FRMPD1: variants seen among roughly 807,000 people sequenced by gnomAD.
The protein encoded by FRMPD1 is FERM and PDZ domain containing 1.
FRMPD1 carries 76 observed loss-of-function variants against 117.8 expected under a neutral mutation model. The ratio of observed to expected loss-of-function variants is 0.65; its 90% CI spans 0.54 to 0.78. The LOEUF (loss-of-function observed/expected upper bound fraction) is 0.78. Ranked by LOEUF, FRMPD1 falls within the 30% of genes least tolerant of loss-of-function variation. FRMPD1 has a pLI of 0.00. For synonymous variants in FRMPD1, 783 were observed against 770.4 expected, an observed-to-expected ratio of 1.02 and a Z score of -0.27; for missense variants, 1,786 against 1,964.5, an observed-to-expected ratio of 0.91 and a Z score of 1.72.
chr9:37,639,103 TA>T, the FRMPD1 span, among the ~76,000 whole-genome samples: 1 of 152,250 alleles, frequency 6.6e-6, no homozygotes, highest in East Asian at 1.9e-4. Context: ...TTAAATATTA[TA>T]TTTTTATTTA....
chr9:37,724,099 T>C, intron 6 of FRMPD1, 126 bp from the exon 7 acceptor site: 1 of 441,964 alleles, frequency 2.3e-6, no homozygotes, highest in Non-Finnish European at 4.2e-6. Flanking sequence ...CGCTTGAACC[T>C]GGGAGTCAGA....
intron 15 of FRMPD1, among the ~76,000 whole-genome samples, chr9:37,741,293 G>C (rs1328721346): frequency 6.6e-6 from 1 of 152,080 alleles, no homozygotes; most frequent in Non-Finnish European, 1.5e-5. Flanking sequence ...GAACCAGACA[G>C]ACAGGCCGTC....
chr9:37,630,293 A>T, the FRMPD1 span, among the ~76,000 whole-genome samples: 5 of 152,178 alleles, frequency 3.3e-5, no homozygotes, highest in Admixed American at 3.3e-4. Flanking sequence ...GTCCAATGAA[A>T]TGTTGGCACT....
chr9:37,738,075 A>C (rs563982270), intron 14 of FRMPD1, among the ~76,000 whole-genome samples: 4 of 152,306 alleles, frequency 2.6e-5, no homozygotes, highest in African/African-American at 9.6e-5. Context: ...ATAAATGCTT[A>C]ACAACTCCCT....
the FRMPD1 span, among the ~76,000 whole-genome samples, chr9:37,613,419 T>G: frequency 9.9e-5 from 15 of 152,196 alleles, no homozygotes; most frequent in African/African-American, 3.4e-4. Context: ...TTAGGAAAAG[T>G]TAATGTGAAA....
chr9:37,732,065 A>G (rs181244732), intron 9 of FRMPD1, among the ~76,000 whole-genome samples: 1 of 152,256 alleles, frequency 6.6e-6, no homozygotes, highest in Admixed American at 6.5e-5. Context: ...ACCTGCTTTC[A>G]TATGCATTAT....
chr9:37,709,275 G>GATAT (rs146234911), intron 4 of FRMPD1, among the ~76,000 whole-genome samples: 75 of 149,742 alleles, frequency 5.0e-4, no homozygotes, highest in South Asian at 3.2e-3. Flanking sequence ...AACTTGAAGA[G>GATAT]ATATATATAT....
chr9:37,667,736 C>T (rs974515285), intron 1 of FRMPD1, among the ~76,000 whole-genome samples: 10 of 151,636 alleles, frequency 6.6e-5, no homozygotes, highest in Non-Finnish European at 1.3e-4. Context: ...CTTTTTCAAC[C>T]TCTGTAATGC....
chr9:37,663,456 CTGT>C (rs1320014320), intron 1 of FRMPD1, among the ~76,000 whole-genome samples: 1 of 152,152 alleles, frequency 6.6e-6, no homozygotes, highest in Admixed American at 6.5e-5. Flanking sequence ...ATCCTCCAGC[CTGT>C]TGTTCTCATG....
the FRMPD1 span, chr9:37,636,611 G>C: frequency 9.3e-7 from 1 of 1,072,464 alleles, no homozygotes; most frequent in South Asian, 1.7e-5. Flanking sequence ...AGGAGAGGAA[G>C]AGGGAGGCAC....
intron 2 of FRMPD1, among the ~76,000 whole-genome samples, chr9:37,698,390 A>G (rs987146910): frequency 6.6e-6 from 1 of 151,854 alleles, no homozygotes; most frequent in African/African-American, 2.4e-5. Context: ...TTCATTCTTT[A>G]CTGACCCCTC....
intron 10 of FRMPD1, among the ~76,000 whole-genome samples, chr9:37,733,051 T>A (rs1270434762): frequency 6.6e-6 from 1 of 152,190 alleles, no homozygotes; most frequent in African/African-American, 2.4e-5. Flanking sequence ...TTTAGCAATT[T>A]TCTGGGGGAT....
In FRMPD1 at chr9:37,744,584, C is replaced by T; in HGVS notation, c.2552C>T (p.Ser851Leu). The change falls in exon 16 of 16, where the codon TCA becomes TTA. Residue 851 changes from serine to leucine, a missense_variant. Coordinates refer to ENST00000377765, the MANE Select transcript of FRMPD1 (RefSeq NM_014907.3). The stretch of plus-strand genomic sequence containing the variant: ...CAGACCGACTACACCTCTCAGGTCT[C>T]ATTTCCCCTGGTGCCATCAGCCTCC... Reference protein sequence around the residue: ...FLQTDYTSQVSFPLVPSASLE... With the variant: ...FLQTDYTSQVLFPLVPSASLE... The T allele has an allele frequency of 6.2e-7, 1 of 1,614,130 alleles. No homozygotes were observed. Among genetic ancestry groups the T allele is most frequent in the Non-Finnish European group, 8.5e-7 (1 of 1,179,978 alleles).
the FRMPD1 span, chr9:37,637,436 T>C: frequency 1.6e-6 from 1 of 616,770 alleles, no homozygotes; most frequent in African/African-American, 1.8e-5. Flanking sequence ...TAGTATACAG[T>C]TCTGTGAGTT....
Position 37,731,078 on chromosome 9 carries a change from T to C in FRMPD1, c.833T>C (p.Val278Ala). ...DPLDLLKEDP[V>A]AFEYLYLQSC... is the part of the protein sequence containing the mutation. ...CTGGACCTCCTGAAAGAAGACCCCG[T>C]GGCCTTTGAATACCTCTATCTGCAG... The change falls in exon 9 of 16, where the codon GTG (valine) becomes GCG (alanine). Residue 278 changes from valine to alanine, a missense_variant. Transcript: ENST00000377765. The C allele has an allele frequency of 6.2e-7, 1 of 1,613,780 alleles. No homozygotes were observed.
rs111512770 is a variant in FRMPD1 at position 37,740,672 on chromosome 9, C to A, written c.2144C>A (p.Pro715Gln). Residue 715 changes from proline to glutamine, a missense_variant, in exon 15 of 16, where the codon CCG becomes CAG. By Grantham distance (76) the Pro-to-Gln change is moderately conservative. Transcript: ENST00000377765. The surrounding 1 kb of genome is among the most constrained non-coding windows in gnomAD (Gnocchi z 4.2). Reference sequence around the variant, plus strand: ...TACAGCCTGTGTTCCAGTGTCTCCCCGGCCAGCTACCTGAGTGACAGTTCC... The same window carrying A: ...TACAGCCTGTGTTCCAGTGTCTCCCAGGCCAGCTACCTGAGTGACAGTTCC... ...DYYSLCSSVS[P>Q]ASYLSDSSES... The A allele has an allele frequency of 3.1e-6, 5 of 1,614,000 alleles. No homozygotes were observed. Among genetic ancestry groups the A allele is most frequent in the Middle Eastern group, 1.6e-4 (1 of 6,078 alleles).
At chr9:37,732,224 T>C in intron 9 of FRMPD1, 80 bp from the exon 10 acceptor site, 1 of 1,486,368 alleles carries the variant, frequency 6.7e-7, no homozygotes, top group South Asian at 1.2e-5. Flanking sequence ...CTCCTGGTCC[T>C]GCTGCCTTTC....
rs1449025039 is a variant in FRMPD1 at position 37,693,767 on chromosome 9, A to G, written c.101+1025A>G. Among the ~76,000 whole-genome samples the G allele has an allele frequency of 2.0e-5, 3 of 152,122 alleles. No homozygotes were observed. The East Asian group carries it at 5.8e-4, about 29-fold the overall frequency. The stretch of plus-strand genomic sequence containing the variant: ...TAAAGGGAACACTTATTATTCTACT[A>G]CAAGCACCCTCTCTTCTCTTTCACC... On this transcript the variant is annotated intron_variant, in intron 2 of 15. Coordinates refer to ENST00000377765, the MANE Select transcript of FRMPD1 (RefSeq NM_014907.3).
At chr9:37,742,595 C>T (rs1824475091) in intron 15 of FRMPD1, among the ~76,000 whole-genome samples, 1 of 152,140 alleles carries the variant, frequency 6.6e-6, no homozygotes, top group African/African-American at 2.4e-5. Context: ...CCTGAGGGAC[C>T]TTGTTTAAAA....
Sources: allele counts gnomAD v4.1 joint callset (sites outside exome capture counted in the v4.1 genomes callset), GRCh38; gene constraint gnomAD v4.1.1; non-coding constraint Gnocchi (gnomAD v3.1); transcripts MANE v1.5; gene names NCBI Gene and HGNC (gene_info 2026-07-23, HGNC 2026-07-21).